The following CADM2 variants were observed in gnomAD, a reference collection of about 807,000 sequenced individuals.
The protein encoded by CADM2 is immunoglobulin superfamily member 4D.
CADM2 carries 12 observed loss-of-function variants against 49.8 expected under a neutral mutation model. That is an observed-to-expected ratio of 0.24 (90% CI 0.15 to 0.39). The LOEUF is 0.39. CADM2 is among the 10% of genes least tolerant of loss of function. The probability of loss-of-function intolerance (pLI) is 1.00; values close to 1 mark genes in which losing one functional copy is unlikely to be tolerated. For missense variants in CADM2, 378 were observed against 492.3 expected (o/e 0.77, Z 2.20); for synonymous variants, 214 against 175.4 (o/e 1.22, Z -1.74).
chr3:85,942,793 A>G (rs1440540516), intron 7 of CADM2, among the ~76,000 whole-genome samples: 1 of 152,060 alleles, frequency 6.6e-6, no homozygotes, highest in African/African-American at 2.4e-5. Context: ...CGCAGTAAAC[A>G]TACGTGTGCA....
At position 86,073,843 on chromosome 3, in the gene CADM2, C is replaced by A. The variant is rs976977261; in HGVS notation, c.*7060C>A. On this transcript the variant is annotated 3_prime_UTR_variant, in exon 10 of 10. Transcript: ENST00000383699. The stretch of plus-strand genomic sequence containing the variant: ...TACATTATCCATCCATTTTAGTTTT[C>A]CTCGATGATGCCCATTTTCTTTGTA... 6.6e-6 allele frequency: 1 copy of A among 151,670 alleles called. No homozygotes were observed. The highest frequency in any genetic ancestry group is 1.5e-5 in the Non-Finnish European group (1 of 67,808). The allele number at this position is 151,670 out of a possible 1,614,324, so 9.4% of individuals were successfully genotyped here.
chr3:85,655,128 C>A (rs569863196), intron 1 of CADM2, among the ~76,000 whole-genome samples: 1 of 151,052 alleles, frequency 6.6e-6, no homozygotes, highest in South Asian at 2.1e-4. Flanking sequence ...GTTCTAATAA[C>A]ACAAAATGAG....
intron 1 of CADM2, among the ~76,000 whole-genome samples, chr3:85,131,048 A>G (rs1259058328): frequency 2.6e-5 from 4 of 152,086 alleles, no homozygotes; most frequent in Admixed American, 1.3e-4. Context: ...CGGGCGTGGC[A>G]TGCGCCTGTA....
chr3:85,525,356 A>G (rs1469450316), intron 1 of CADM2, among the ~76,000 whole-genome samples: 1 of 152,168 alleles, frequency 6.6e-6, no homozygotes, highest in East Asian at 1.9e-4. Flanking sequence ...AGCCCATGCT[A>G]TATTCAGATC....
At position 85,830,797 on chromosome 3, in the gene CADM2, T is replaced by TTTTATTTATTTA. The variant is rs78682464; in HGVS notation, c.238+28635_238+28646dup. 3.1e-3 allele frequency among the ~76,000 whole-genome samples: 434 copies of TTTTATTTATTTA among 142,138 alleles called. 1 individual carries two copies. The highest frequency in any genetic ancestry group is 7.1e-3 in the South Asian group (31 of 4,374). The allele number at this position is 142,138 out of a possible 152,430, so 93.2% of individuals were successfully genotyped here. On this transcript the variant is annotated intron_variant, in intron 3 of 9. Transcript: ENST00000383699. ...TTTGGTCAGAAGATGTCTTTGTGCA[T>TTTTATTTATTTA]TTTATTTATTTATTTATTTATTTAT...
At chr3:85,325,688 CAAAAAAAA>C (rs35096319) in intron 1 of CADM2, among the ~76,000 whole-genome samples, 2 of 92,698 alleles carry the variant, frequency 2.2e-5, no homozygotes, top group Non-Finnish European at 2.4e-5. Context: ...AAGACTCCAT[CAAAAAAAA>C]AAAAAAAAAA....
chr3:85,377,441 G>A (rs1284095365), intron 1 of CADM2, among the ~76,000 whole-genome samples: 1 of 151,996 alleles, frequency 6.6e-6, no homozygotes, highest in African/African-American at 2.4e-5. Flanking sequence ...AATGCTCCAG[G>A]ATTTATATGC....
intron 1 of CADM2, among the ~76,000 whole-genome samples, chr3:85,694,446 C>G (rs540609564): frequency 6.6e-6 from 1 of 152,130 alleles, no homozygotes. Context: ...ACTTACCCTT[C>G]CAGTACCTGA....
chr3:85,639,580 T>A (rs2064642209), intron 1 of CADM2, among the ~76,000 whole-genome samples: 1 of 152,174 alleles, frequency 6.6e-6, no homozygotes, highest in South Asian at 2.1e-4. Flanking sequence ...ATCTTTGTAT[T>A]TTCTAGAAAC....
intron 1 of CADM2, among the ~76,000 whole-genome samples, chr3:85,103,524 A>G (rs975301567): frequency 1.8e-4 from 28 of 152,326 alleles, no homozygotes; most frequent in Admixed American, 1.6e-3. Flanking sequence ...GCATGTTCAC[A>G]AATAAGAAAA....
At chr3:85,606,510 T>G (rs1335121617) in intron 1 of CADM2, among the ~76,000 whole-genome samples, 2 of 152,110 alleles carry the variant, frequency 1.3e-5, no homozygotes, top group Admixed American at 1.3e-4. Flanking sequence ...ATTTACTAAA[T>G]TGTTTTGGCC....
At chr3:86,012,580 C>T (rs1382560052) in intron 8 of CADM2, 4 of 1,559,466 alleles carry the variant, frequency 2.6e-6, no homozygotes, top group East Asian at 4.9e-5. Flanking sequence ...TTCTGCGCTG[C>T]CCCCAACTGC....
chr3:85,876,457 A>T (rs1327029278), intron 3 of CADM2, among the ~76,000 whole-genome samples: 1 of 152,156 alleles, frequency 6.6e-6, no homozygotes, highest in Non-Finnish European at 1.5e-5. Flanking sequence ...GAGGCCTTGA[A>T]AAAAGTCCAA....
chr3:85,575,150 T>C (rs370792596), intron 1 of CADM2, among the ~76,000 whole-genome samples: 1 of 152,224 alleles, frequency 6.6e-6, no homozygotes, highest in African/African-American at 2.4e-5. Flanking sequence ...TCAATGAGAC[T>C]ACTCTTATAA....
At chr3:85,937,118 T>C (rs922152598) in intron 7 of CADM2, among the ~76,000 whole-genome samples, 2 of 151,878 alleles carry the variant, frequency 1.3e-5, no homozygotes, top group Non-Finnish European at 2.9e-5. Flanking sequence ...AACATTATTT[T>C]ACTTATGGAA....
chr3:85,458,460 G>GTGGTTATCTATATC (rs1300305877), intron 1 of CADM2, among the ~76,000 whole-genome samples: 3 of 152,266 alleles, frequency 2.0e-5, no homozygotes, highest in East Asian at 3.9e-4. Flanking sequence ...CAAGAAATAT[G>GTGGTTATCTATATC]TATTGATCTC....
At chr3:85,661,324 G>T (rs978363647) in intron 1 of CADM2, among the ~76,000 whole-genome samples, 1 of 151,886 alleles carries the variant, frequency 6.6e-6, no homozygotes, top group Non-Finnish European at 1.5e-5. Flanking sequence ...TAGATCTGGG[G>T]AATGCTATCT....
At chr3:86,009,685 AATT>A (rs1731253421) in intron 8 of CADM2, among the ~76,000 whole-genome samples, 1 of 151,764 alleles carries the variant, frequency 6.6e-6, no homozygotes, top group South Asian at 2.1e-4. Context: ...GGCTGTTAAA[AATT>A]ATTATTTTTT....
At chr3:85,908,561 T>G (rs527814410) in intron 5 of CADM2, among the ~76,000 whole-genome samples, 1 of 152,202 alleles carries the variant, frequency 6.6e-6, no homozygotes, top group South Asian at 2.1e-4. Flanking sequence ...TTTAAAAATT[T>G]TATTATAGAA....
Sources: allele counts gnomAD v4.1 joint callset (sites outside exome capture counted in the v4.1 genomes callset), GRCh38; gene constraint gnomAD v4.1.1; transcripts MANE v1.5; gene names NCBI Gene and HGNC (gene_info 2026-07-23, HGNC 2026-07-21).